EHMT1: variants seen among roughly 807,000 people sequenced by gnomAD.
EHMT1 encodes the protein histone-lysine N-methyltransferase EHMT1.
EHMT1 carries 15 observed loss-of-function variants against 147.2 expected under a neutral mutation model. The observed-to-expected ratio is 0.10, with a 90% CI of 0.07 to 0.16. The LOEUF (loss-of-function observed/expected upper bound fraction) is 0.16, where lower values mean the gene tolerates loss of function less well. Among genes scored for constraint, EHMT1 ranks in the 10% least tolerant of loss-of-function variants. The pLI, the probability that EHMT1 is intolerant of heterozygous loss-of-function variation, is 1.00. For synonymous variants in EHMT1, 795 were observed against 709.6 expected, an observed-to-expected ratio of 1.12 and a Z score of -1.91; for missense variants, 1,587 against 1,772.4, an observed-to-expected ratio of 0.90 and a Z score of 1.88.
chr9:137,717,395 G>T, intron 3 of EHMT1: 1 of 685,978 alleles, frequency 1.5e-6, no homozygotes, highest in Admixed American at 2.6e-5. Flanking sequence ...TTGAGCCTAG[G>T]AGTTTGAGAC....
intron 1 of EHMT1, among the ~76,000 whole-genome samples, chr9:137,672,517 C>CAT (rs35974485): frequency 0.35 from 53,556 of 151,998 alleles, 10,446 homozygotes; most frequent in African/African-American, 0.52. Context: ...TCTGGCAACT[C>CAT]GTGGACAAAA....
chr9:137,746,656 T>C (rs1948565522), intron 6 of EHMT1: 1 of 152,218 alleles, frequency 6.6e-6, no homozygotes, highest in African/African-American at 2.4e-5. Flanking sequence ...TTATGACATA[T>C]TAATTATATC....
At chr9:137,763,229 A>G (rs1488218808) in intron 10 of EHMT1, 2 of 369,334 alleles carry the variant, frequency 5.4e-6, no homozygotes, top group African/African-American at 4.1e-5. Flanking sequence ...GGCCTCGGCC[A>G]CCTCCCTCCT....
At chr9:137,706,597 C>T (rs1944290409) in intron 1 of EHMT1, among the ~76,000 whole-genome samples, 1 of 152,150 alleles carries the variant, frequency 6.6e-6, no homozygotes, top group South Asian at 2.1e-4. Flanking sequence ...AGATATTCTC[C>T]TGCCTCAGCC....
chr9:137,802,907 G>A, intron 18 of EHMT1: 1 of 1,232,596 alleles, frequency 8.1e-7, no homozygotes, highest in Non-Finnish European at 1.0e-6. Context: ...AGGAAGAGAA[G>A]AGGGAAGCAG....
rs1444871197 is a variant in EHMT1, at chr9:137,810,193, G to T, written c.2713-1268G>T. 2.7e-4 allele frequency among the ~76,000 whole-genome samples: 30 copies of T among 112,470 alleles called. No homozygotes were observed. In the African/African-American group the frequency reaches 3.5e-3, roughly 13 times the overall value. 73.8% of individuals were successfully genotyped at this position (112,470 alleles called of 152,430 possible). On this transcript the variant is annotated intron_variant, in intron 18 of 26. Transcript: ENST00000460843. The stretch of plus-strand genomic sequence containing the variant: ...CCGGAGGCGGTTCCGATGCCGCCCC[G>T]TGTGGACCGTCGGTGATGGGTCCGG...
At position 137,811,692 on chromosome 9, in the gene EHMT1, G is replaced by A. The variant is rs1205003965; in HGVS notation, c.2867+77G>A. On this transcript the variant is annotated intron_variant, in intron 19 of 26. Coordinates refer to ENST00000460843, the MANE Select transcript of EHMT1 (RefSeq NM_024757.5). The stretch of plus-strand genomic sequence containing the variant: ...CCCAGAGAGACCGCTTGACAGTCTT[G>A]TGTTCACACTTGGGGCGTGAGTGGA... 2.5e-6 allele frequency: 4 copies of A among 1,586,602 alleles called. No homozygotes were observed. The African/African-American group carries it at 4.0e-5, about 16-fold the overall frequency.
At chr9:137,800,524 A>C in intron 17 of EHMT1, 1 of 311,106 alleles carries the variant, frequency 3.2e-6, no homozygotes, top group South Asian at 3.1e-5. Flanking sequence ...GGGCTTACGA[A>C]GTTTCAGCTC....
At chr9:137,654,600 C>T (rs1258578883) in intron 1 of EHMT1, among the ~76,000 whole-genome samples, 4 of 152,086 alleles carry the variant, frequency 2.6e-5, no homozygotes, top group Non-Finnish European at 4.4e-5. Context: ...TTCTGGGTCT[C>T]TTAAGTTTCC....
rs72765186 is a variant in EHMT1, at chr9:137,624,334, G to T, written c.21+5285G>T. Among the ~76,000 whole-genome samples, 1,111 of 146,032 alleles carry T rather than the reference G, an allele frequency of 7.6e-3. 16 individuals are homozygous for T. The highest frequency in any genetic ancestry group is 0.011 in the Middle Eastern group (3 of 280). On this transcript the variant is annotated intron_variant, in intron 1 of 26. Coordinates refer to ENST00000460843, the MANE Select transcript of EHMT1 (RefSeq NM_024757.5). ...TTTTTTTTTTTTTTTTTGAGACATG[G>T]TTTCACCCAGTCTGGCATCCAGTTG... is the stretch of plus-strand genomic sequence containing the variant.
At chr9:137,810,768 G>A (rs1954409820) in intron 18 of EHMT1, among the ~76,000 whole-genome samples, 2 of 150,812 alleles carry the variant, frequency 1.3e-5, no homozygotes, top group South Asian at 2.1e-4. Flanking sequence ...GCACGTTCTC[G>A]GCTCACTGTA....
intron 6 of EHMT1, among the ~76,000 whole-genome samples, chr9:137,751,205 A>G (rs1195776618): frequency 6.6e-6 from 1 of 152,244 alleles, no homozygotes; most frequent in Non-Finnish European, 1.5e-5. Context: ...TCAAATGAGG[A>G]CGTTCTTCTA....
At chr9:137,699,127 G>A (rs969590070) in intron 1 of EHMT1, among the ~76,000 whole-genome samples, 2 of 152,204 alleles carry the variant, frequency 1.3e-5, no homozygotes, top group Non-Finnish European at 2.9e-5. Context: ...GAACCCTGAA[G>A]GCGCGCTGCC....
At chr9:137,663,439 G>T (rs1328157949) in intron 1 of EHMT1, among the ~76,000 whole-genome samples, 1 of 152,172 alleles carries the variant, frequency 6.6e-6, no homozygotes, top group Non-Finnish European at 1.5e-5. Context: ...CGTCCTGTGT[G>T]CTGGAGTGGA....
intron 1 of EHMT1, among the ~76,000 whole-genome samples, chr9:137,689,559 C>T (rs750681234): frequency 2.6e-5 from 4 of 151,978 alleles, no homozygotes; most frequent in African/African-American, 4.8e-5. Context: ...AAAAATTAGC[C>T]GGGTGCAGTG....
Position 137,827,688 on chromosome 9 carries a change from C to G in EHMT1, c.3541-6661C>G, listed in dbSNP as rs544625078. On this transcript the variant is annotated intron_variant, in intron 25 of 26. Transcript: ENST00000460843. ...TGACTGCCCCCCTCCACTGCTGTCA[C>G]AATTGCTCGCACTCCCTCATGCTGT... Among the ~76,000 whole-genome samples the G allele has an allele frequency of 1.2e-4, 18 of 152,300 alleles. No individual in the cohort carries two copies. In the South Asian group the frequency reaches 3.7e-3, roughly 32 times the overall value.
rs1951763016 is a variant in EHMT1, at chr9:137,784,000, T to C, written c.2382+1603T>C. 7.2e-6 allele frequency: 4 copies of C among 558,952 alleles called. No homozygotes were observed. In the African/African-American group the frequency reaches 7.5e-5, roughly 10 times the overall value. 34.6% of individuals were successfully genotyped at this position (558,952 alleles called of 1,614,324 possible). ...TAGTCCTTTATTTATACCTAATGTC[T>C]TATATTGTAGTTTTAATTTCTAGCT... On this transcript the variant is annotated intron_variant, in intron 15 of 26. Coordinates refer to ENST00000460843, the MANE Select transcript of EHMT1 (RefSeq NM_024757.5).
At chr9:137,669,734 A>G (rs1940318995) in intron 1 of EHMT1, among the ~76,000 whole-genome samples, 1 of 151,658 alleles carries the variant, frequency 6.6e-6, no homozygotes, top group African/African-American at 2.4e-5. Context: ...TCTTTTTTTA[A>G]AAAAAAATTA....
intron 2 of EHMT1, chr9:137,715,896 C>T (rs1945172275): frequency 1.1e-6 from 1 of 915,852 alleles, no homozygotes; most frequent in Non-Finnish European, 1.3e-6. Flanking sequence ...AACTAACGTT[C>T]AACGTTAATG....
Sources: gnomAD v4.1 joint callset for allele counts (sites outside exome capture counted in the v4.1 genomes callset) on GRCh38, gnomAD v4.1.1 for gene constraint, MANE v1.5 for transcripts, NCBI Gene and HGNC (gene_info 2026-07-23, HGNC 2026-07-21) for gene names.